SLAMF6: variants seen among roughly 807,000 people sequenced by gnomAD.
SLAMF6 encodes the protein NK-T-B-antigen.
A neutral mutation model predicts 38.3 loss-of-function variants in SLAMF6; 21 were observed. The ratio of observed to expected loss-of-function variants is 0.55; its 90% CI spans 0.39 to 0.79. The LOEUF is 0.79. Among genes scored for constraint, SLAMF6 ranks in the 30% least tolerant of loss-of-function variants. SLAMF6 has a pLI of 0.00. For missense variants in SLAMF6, 341 were observed against 385.3 expected (o/e 0.89, Z 0.96); for synonymous variants, 152 against 146.3 (o/e 1.04, Z -0.28).
Position 160,523,252 on chromosome 1 carries a change from T to C in SLAMF6, c.-60A>G. ...GAGGCAGTCAATGTTTTTGCCCTTC[T>C]GTCATAAACTGAAAATACTTCTGAG... On this transcript the variant is annotated 5_prime_UTR_variant, in exon 1 of 8. Coordinates refer to ENST00000368057, the MANE Select transcript of SLAMF6 (RefSeq NM_001184714.2). 1 of 1,582,000 alleles carries C rather than the reference T, an allele frequency of 6.3e-7. No individual in the cohort carries two copies. Among genetic ancestry groups the C allele is most frequent in the Non-Finnish European group, 8.6e-7 (1 of 1,161,996 alleles).
chr1:160,508,794 A>G (rs1304676535), intron 1 of SLAMF6, among the ~76,000 whole-genome samples: 2 of 114,102 alleles, frequency 1.8e-5, no homozygotes, highest in Non-Finnish European at 3.8e-5. Flanking sequence ...ATCTACAAAG[A>G]ATTTAAACAA....
chr1:160,512,539 T>C (rs572792660), intron 1 of SLAMF6, among the ~76,000 whole-genome samples: 1 of 152,324 alleles, frequency 6.6e-6, no homozygotes, highest in East Asian at 1.9e-4. Flanking sequence ...GTCCCTTATC[T>C]TGTGACTCCT....
At chr1:160,518,506 G>A (rs929260310) in intron 1 of SLAMF6, among the ~76,000 whole-genome samples, 6 of 152,084 alleles carry the variant, frequency 3.9e-5, no homozygotes, top group African/African-American at 9.7e-5. Flanking sequence ...TAATAGCAAA[G>A]ACATGAAATC....
At chr1:160,493,047 C>A (rs1407383183) in intron 2 of SLAMF6, among the ~76,000 whole-genome samples, 1 of 152,206 alleles carries the variant, frequency 6.6e-6, no homozygotes, top group African/African-American at 2.4e-5. Flanking sequence ...TAAGTCAAAT[C>A]ATATTACTTG....
chr1:160,511,356 G>A (rs555887758), intron 1 of SLAMF6, among the ~76,000 whole-genome samples: 1 of 152,252 alleles, frequency 6.6e-6, no homozygotes, highest in East Asian at 1.9e-4. Flanking sequence ...TGTGGTACTG[G>A]CATAAAGATA....
In SLAMF6 at chr1:160,523,147, G is replaced by A; in HGVS notation, c.46C>T (p.Pro16Ser). 1 of 1,613,696 alleles carries A rather than the reference G, an allele frequency of 6.2e-7. No individual in the cohort carries two copies. Among genetic ancestry groups the A allele is most frequent in the South Asian group, 1.1e-5 (1 of 91,014 alleles). ...QSLLFVFCFG[P>S]GNVVSQSSLT... ...ACCGATCTGGATTGACATTTACCTG[G>A]GCCAAAGCAGAAGACAAACAGGAGC... The change falls in exon 1 of 8, where the codon CCA becomes TCA. Residue 16 changes from proline (P) to serine (S), a missense_variant. Transcript: ENST00000368057.
Position 160,499,373 on chromosome 1 carries a change from G to A in SLAMF6, c.50-2980C>T, listed in dbSNP as rs769334410. On this transcript the variant is annotated intron_variant, in intron 1 of 7. Coordinates refer to ENST00000368057, the MANE Select transcript of SLAMF6 (RefSeq NM_001184714.2). ...TGTCAAAAATCAGATGGTTGTAAGG[G>A]TGTGGCTTTATTTCTGAGTTTTTTG... Among the ~76,000 whole-genome samples, 4 of 152,094 alleles carry A rather than the reference G, an allele frequency of 2.6e-5. No homozygotes were observed. In the South Asian group the frequency reaches 6.2e-4, roughly 24 times the overall value.
intron 1 of SLAMF6, among the ~76,000 whole-genome samples, chr1:160,519,693 G>A (rs867957866): frequency 3.4e-5 from 5 of 148,026 alleles, no homozygotes; most frequent in Admixed American, 2.8e-4. Context: ...AGTCAGACAC[G>A]AAAGGTCATA....
At chr1:160,511,328 A>C (rs1282237255) in intron 1 of SLAMF6, among the ~76,000 whole-genome samples, 3 of 152,242 alleles carry the variant, frequency 2.0e-5, no homozygotes, top group Non-Finnish European at 4.4e-5. Context: ...ACTGATACAG[A>C]TATGGTAATC....
chr1:160,504,394 T>TA (rs59423926), intron 1 of SLAMF6, among the ~76,000 whole-genome samples: 5 of 151,688 alleles, frequency 3.3e-5, no homozygotes, highest in East Asian at 1.9e-4. Flanking sequence ...TATACACAAT[T>TA]AAAAAAAAAT....
At chr1:160,515,360 C>G (rs1192427333) in intron 1 of SLAMF6, among the ~76,000 whole-genome samples, 1 of 152,058 alleles carries the variant, frequency 6.6e-6, no homozygotes, top group African/African-American at 2.4e-5. Flanking sequence ...GAAATTGAGA[C>G]AGTAATAAAT....
chr1:160,498,169 T>G (rs1157907731), intron 1 of SLAMF6, among the ~76,000 whole-genome samples: 2 of 152,078 alleles, frequency 1.3e-5, no homozygotes, highest in Non-Finnish European at 2.9e-5. Context: ...ATTTTTTGAC[T>G]TTTAATAATA....
At chr1:160,514,145 T>C (rs1654629421) in intron 1 of SLAMF6, among the ~76,000 whole-genome samples, 1 of 152,082 alleles carries the variant, frequency 6.6e-6, no homozygotes, top group East Asian at 1.9e-4. Context: ...AACACACACA[T>C]AGGTTCAAAA....
At chr1:160,523,046 A>G in intron 1 of SLAMF6, 98 bp downstream of exon 1, 3 of 1,317,992 alleles carry the variant, frequency 2.3e-6, no homozygotes, top group Non-Finnish European at 3.2e-6. Flanking sequence ...ATCCCTTGGC[A>G]GAGAGCCAGA....
rs116966508 is a variant in SLAMF6, at chr1:160,491,501, G to A, written c.383-113C>T. 1.0e-5 allele frequency: 15 copies of A among 1,452,988 alleles called. No homozygotes were observed. In the Middle Eastern group the frequency reaches 8.2e-4, roughly 79 times the overall value. The allele number at this position is 1,452,988 out of a possible 1,614,324, so 90.0% of individuals were successfully genotyped here. A position where few individuals can be genotyped will look rare whatever the true frequency, so the allele number is the denominator to read the frequency against. On this transcript the variant is annotated intron_variant, in intron 2 of 7. Coordinates refer to ENST00000368057, the MANE Select transcript of SLAMF6 (RefSeq NM_001184714.2). Reference sequence around the variant, plus strand: ...GTATTTCACCTTTGCTGTGTGTTATGGTCTGTAGACTCTGTAAATGACTCT... The same window carrying A: ...GTATTTCACCTTTGCTGTGTGTTATAGTCTGTAGACTCTGTAAATGACTCT...
intron 7 of SLAMF6, 104 bp from the exon 8 acceptor site, chr1:160,486,858 A>G (rs1652989723): frequency 7.6e-7 from 1 of 1,321,340 alleles, no homozygotes; most frequent in Non-Finnish European, 1.1e-6. Context: ...GAGGCAGATA[A>G]TAGAGATATT....
intron 1 of SLAMF6, among the ~76,000 whole-genome samples, chr1:160,509,302 T>C (rs1372509428): frequency 1.3e-5 from 2 of 152,168 alleles, no homozygotes; most frequent in African/African-American, 4.8e-5. Flanking sequence ...GGCACATATA[T>C]ACCATAGAAT....
At chr1:160,492,847 T>C (rs1334088108) in intron 2 of SLAMF6, among the ~76,000 whole-genome samples, 1 of 152,176 alleles carries the variant, frequency 6.6e-6, no homozygotes, top group African/African-American at 2.4e-5. Context: ...GAAATCCTGG[T>C]GGCTTTACCT....
chr1:160,520,644 C>G (rs1353354182), intron 1 of SLAMF6, among the ~76,000 whole-genome samples: 1 of 152,088 alleles, frequency 6.6e-6, no homozygotes, highest in Non-Finnish European at 1.5e-5. Flanking sequence ...TTGTTTTGTT[C>G]TGTTAGTTTT....
Sources: allele counts gnomAD v4.1 joint callset (sites outside exome capture counted in the v4.1 genomes callset), GRCh38; gene constraint gnomAD v4.1.1; transcripts MANE v1.5; gene names NCBI Gene and HGNC (gene_info 2026-07-23, HGNC 2026-07-21).